DISC1: variants seen among roughly 807,000 people sequenced by gnomAD.
The protein encoded by DISC1 is disrupted in schizophrenia 1 protein.
In DISC1, 57 loss-of-function variants were observed where a neutral mutation model predicts 84.5. The observed-to-expected ratio is 0.67, with a 90% CI of 0.55 to 0.84. DISC1 has a LOEUF of 0.84. Ranked by LOEUF, DISC1 falls within the 40% of genes least tolerant of loss-of-function variation. DISC1 has a pLI of 0.00. For synonymous variants in DISC1, 411 were observed against 415.2 expected (o/e 0.99, Z 0.12); for missense variants, 1,000 against 1,057.8 (o/e 0.95, Z 0.76).
At chr1:231,681,299 T>A (rs1197054656) in intron 1 of DISC1, among the ~76,000 whole-genome samples, 2 of 152,152 alleles carry the variant, frequency 1.3e-5, no homozygotes, top group African/African-American at 4.8e-5. Context: ...GATCCAGGCA[T>A]AACAAGGAGA....
At chr1:231,822,257 A>T (rs1233057258) in intron 9 of DISC1, among the ~76,000 whole-genome samples, 1 of 152,192 alleles carries the variant, frequency 6.6e-6, no homozygotes, top group African/African-American at 2.4e-5. Flanking sequence ...AGTAGAAAAG[A>T]TACTGCAGAT....
intron 3 of DISC1, among the ~76,000 whole-genome samples, chr1:231,747,775 AT>A (rs942373534): frequency 3.3e-4 from 50 of 150,916 alleles, no homozygotes; most frequent in Non-Finnish European, 1.6e-4. Context: ...AAACTTTAGG[AT>A]TTTTTTTTCT....
At chr1:231,744,565 T>C (rs1411207889) in intron 3 of DISC1, among the ~76,000 whole-genome samples, 1 of 152,098 alleles carries the variant, frequency 6.6e-6, no homozygotes, top group Non-Finnish European at 1.5e-5. Context: ...CCAGAAAGCA[T>C]AGTTTTTTTT....
chr1:231,970,008 G>A (rs145836150), intron 10 of DISC1, among the ~76,000 whole-genome samples: 7 of 152,142 alleles, frequency 4.6e-5, no homozygotes, highest in Admixed American at 1.3e-4. Flanking sequence ...ATTGATGGAC[G>A]TTTGGGTTGG....
chr1:231,705,291 CAAA>C (rs35677987), intron 3 of DISC1, among the ~76,000 whole-genome samples: 40 of 11,050 alleles, frequency 3.6e-3, no homozygotes, highest in African/African-American at 0.014. Context: ...GACTCCATCT[CAAA>C]AAAAAAAAAA....
chr1:231,810,554 A>G (rs1401930724), intron 8 of DISC1, among the ~76,000 whole-genome samples: 2 of 152,224 alleles, frequency 1.3e-5, no homozygotes, highest in African/African-American at 4.8e-5. Flanking sequence ...TGCTACAGCA[A>G]GGGAGTCAGA....
intron 3 of DISC1, among the ~76,000 whole-genome samples, chr1:231,713,441 A>T (rs2068139186): frequency 6.6e-6 from 1 of 152,220 alleles, no homozygotes; most frequent in Non-Finnish European, 1.5e-5. Flanking sequence ...TATGAACAAA[A>T]TGAGAAATAA....
intron 1 of DISC1, among the ~76,000 whole-genome samples, chr1:231,684,525 C>T (rs1347340242): frequency 6.6e-6 from 1 of 152,004 alleles, no homozygotes; most frequent in Non-Finnish European, 1.5e-5. Flanking sequence ...ACAGTAGGCA[C>T]CTGTGTAAAT....
At chr1:231,658,891 T>G (rs1414893934) in intron 1 of DISC1, among the ~76,000 whole-genome samples, 5 of 152,188 alleles carry the variant, frequency 3.3e-5, no homozygotes, top group African/African-American at 1.2e-4. Flanking sequence ...AGTATTTTAT[T>G]GAAGGTTTTT....
At chr1:231,822,567 A>G (rs2081570903) in intron 9 of DISC1, among the ~76,000 whole-genome samples, 1 of 152,176 alleles carries the variant, frequency 6.6e-6, no homozygotes, top group African/African-American at 2.4e-5. Flanking sequence ...TAAGTTCGCA[A>G]TGACAAGATC....
At chr1:231,828,093 G>T (rs1386166245) in intron 9 of DISC1, among the ~76,000 whole-genome samples, 5 of 152,064 alleles carry the variant, frequency 3.3e-5, no homozygotes. Flanking sequence ...AATTTTTGGT[G>T]TATTAACCCA....
In DISC1 at chr1:231,822,375, A is replaced by G. The variant is rs144840933; in HGVS notation, c.1981+3858A>G. On this transcript the variant is annotated intron_variant, in intron 9 of 12. Transcript: ENST00000439617. The stretch of plus-strand genomic sequence containing the variant: ...ATTCTAAGTGAGAATACCAAGCAGC[A>G]AGATTTTGTTTTTCTGAGAACGATG... 5.5e-3 allele frequency among the ~76,000 whole-genome samples: 830 copies of G among 152,256 alleles called. 7 individuals are homozygous for G. The highest frequency in any genetic ancestry group is 0.019 in the African/African-American group (784 of 41,530).
At chr1:231,951,581 A>T (rs1035927782) in intron 9 of DISC1, among the ~76,000 whole-genome samples, 1 of 151,916 alleles carries the variant, frequency 6.6e-6, no homozygotes, top group Non-Finnish European at 1.5e-5. Context: ...GCTGGGCCAA[A>T]TCTCCCTCCA....
intron 9 of DISC1, among the ~76,000 whole-genome samples, chr1:231,957,537 G>A (rs760631696): frequency 1.9e-4 from 29 of 152,116 alleles, no homozygotes; most frequent in Non-Finnish European, 3.8e-4. Flanking sequence ...AGAACAGTGT[G>A]TGGCACATAA....
chr1:231,797,944 G>C (rs2078889473), intron 7 of DISC1, among the ~76,000 whole-genome samples: 1 of 151,990 alleles, frequency 6.6e-6, no homozygotes, highest in Non-Finnish European at 1.5e-5. Flanking sequence ...ACGAATGTGT[G>C]TGTGTGTTGT....
chr1:231,811,984 T>C (rs1030659258), intron 8 of DISC1, among the ~76,000 whole-genome samples: 4 of 152,144 alleles, frequency 2.6e-5, no homozygotes, highest in Admixed American at 1.3e-4. Flanking sequence ...TCTCTAAAAT[T>C]GGATTCTCAA....
intron 4 of DISC1, among the ~76,000 whole-genome samples, chr1:231,760,697 A>T (rs1489479757): frequency 1.3e-5 from 2 of 152,190 alleles, no homozygotes; most frequent in Non-Finnish European, 2.9e-5. Flanking sequence ...AAACCACAGC[A>T]CTGTCACTAG....
chr1:231,644,061 G>A (rs1434410913), intron 1 of DISC1, among the ~76,000 whole-genome samples: 2 of 152,212 alleles, frequency 1.3e-5, no homozygotes, highest in Admixed American at 6.5e-5. Context: ...TATTTTTAGT[G>A]TAGCAGACAG....
chr1:231,956,737 A>T (rs1330564865), intron 9 of DISC1, among the ~76,000 whole-genome samples: 2 of 152,190 alleles, frequency 1.3e-5, no homozygotes, highest in African/African-American at 4.8e-5. Flanking sequence ...CCATCCTGCG[A>T]TGTCTGGGTC....
Sources: allele counts gnomAD v4.1 joint callset (sites outside exome capture counted in the v4.1 genomes callset), GRCh38; gene constraint gnomAD v4.1.1; transcripts MANE v1.5; gene names NCBI Gene and HGNC (gene_info 2026-07-23, HGNC 2026-07-21).